The following THYN1 variants were observed in gnomAD, a reference collection of about 807,000 sequenced individuals.
THYN1 encodes thymocyte nuclear protein 1.
Under a neutral mutation model 30.6 loss-of-function variants are expected in THYN1, and 32 were observed. The observed-to-expected ratio is 1.05, with a 90% confidence interval of 0.79 to 1.40. The LOEUF is 1.40. Among genes scored for constraint, THYN1 ranks in the 40% most tolerant of loss-of-function variants. The probability of loss-of-function intolerance (pLI) is 0.00; values close to 1 mark genes in which losing one functional copy is unlikely to be tolerated. For missense variants in THYN1, 259 were observed against 272.6 expected, an observed-to-expected ratio of 0.95 and a Z score of 0.35; for synonymous variants, 107 against 90.8, an observed-to-expected ratio of 1.18 and a Z score of -1.01.
intron 2 of THYN1, 108 bp downstream of exon 2, chr11:134,251,022 C>A: frequency 3.2e-6 from 4 of 1,234,002 alleles, no homozygotes; most frequent in Non-Finnish European, 1.1e-6. Flanking sequence ...TTACCTTTTT[C>A]CTTCCCTTCA....
intron 2 of THYN1, among the ~76,000 whole-genome samples, 191 bp downstream of exon 2, chr11:134,250,939 G>A (rs1210807865): frequency 6.6e-6 from 1 of 152,216 alleles, no homozygotes; most frequent in Admixed American, 6.5e-5. Flanking sequence ...GCAAAGGTTA[G>A]CCAACCCCTG....
Position 134,252,886 on chromosome 11 carries a change from C to G in THYN1, c.-4G>C. The G allele has an allele frequency of 6.2e-7, 1 of 1,600,754 alleles. No individual in the cohort carries two copies. Among genetic ancestry groups the G allele is most frequent in the African/African-American group, 1.4e-5 (1 of 73,844 alleles). ...GCCTCTTCCGGGGTCTCGACATGGT[C>G]ACGCTGCAGGGGACTTTAGTGCGGA... is the stretch of plus-strand genomic sequence containing the variant. On this transcript the variant is annotated 5_prime_UTR_variant, in exon 1 of 7. Transcript: ENST00000341541.
At chr11:134,250,934 G>A (rs1486378040) in intron 2 of THYN1, among the ~76,000 whole-genome samples, 196 bp downstream of exon 2, 3 of 152,208 alleles carry the variant, frequency 2.0e-5, no homozygotes, top group African/African-American at 7.2e-5. Flanking sequence ...TTGTGGCAAA[G>A]GTTAGCCAAC....
chr11:134,248,985 GA>G (rs939087045), intron 5 of THYN1, 26 bp from the exon 6 acceptor site: 2 of 1,613,538 alleles, frequency 1.2e-6, no homozygotes, highest in African/African-American at 2.7e-5. Flanking sequence ...GTACATGACA[GA>G]AAGACGTGTC....
intron 1 of THYN1, among the ~76,000 whole-genome samples, 180 bp downstream of exon 1, chr11:134,252,660 A>C (rs929062442): frequency 6.6e-6 from 1 of 152,242 alleles, no homozygotes; most frequent in Non-Finnish European, 1.5e-5. Flanking sequence ...AACAAGAAAA[A>C]GGAACTGTAG....
In THYN1 at chr11:134,252,931, G is replaced by A. The variant is rs1044696982; in HGVS notation, c.-49C>T. On this transcript the variant is annotated 5_prime_UTR_variant, in exon 1 of 7. Coordinates refer to ENST00000341541, the MANE Select transcript of THYN1 (RefSeq NM_014174.3). ...TGCGGACGATTCTGGAATCAACGGAGATACAAGAAAGAATGCTAATGTCCT... is the reference window on the plus strand; with the variant it reads ...TGCGGACGATTCTGGAATCAACGGAAATACAAGAAAGAATGCTAATGTCCT... The A allele has an allele frequency of 1.3e-6, 2 of 1,533,792 alleles. No homozygotes were observed. The highest frequency in any genetic ancestry group is 2.3e-5 in the Admixed American group (1 of 43,904).
intron 2 of THYN1, 104 bp downstream of exon 2, chr11:134,251,026 C>A: frequency 8.0e-7 from 1 of 1,254,372 alleles, no homozygotes; most frequent in Non-Finnish European, 1.1e-6. Flanking sequence ...CTTTTTCCTT[C>A]CCTTCAAAGA....
rs757141767 is a variant in THYN1 at position 134,251,156 on chromosome 11, G to A, written c.196C>T (p.Arg66Cys). The A allele has an allele frequency of 2.0e-5, 32 of 1,613,610 alleles. No individual in the cohort carries two copies. The highest frequency in any genetic ancestry group is 5.0e-5 in the Admixed American group (3 of 59,872). Reference sequence around the variant, plus strand: ...TTCACATCTACACCTTTCTCTAGGCGGCTCTCTGGCTCTGACTTCATCAGC... The same window carrying A: ...TTCACATCTACACCTTTCTCTAGGCAGCTCTCTGGCTCTGACTTCATCAGC... ...HWLMKSEPES[R>C]LEKGVDVKFS... is the part of the protein sequence containing the mutation. Residue 66 changes from arginine to cysteine, a missense_variant, in exon 2 of 7, where the codon CGC (arginine) becomes TGC (cysteine). Coordinates refer to ENST00000341541, the MANE Select transcript of THYN1 (RefSeq NM_014174.3).
At chr11:134,250,504 G>C (rs528221177) in intron 2 of THYN1, among the ~76,000 whole-genome samples, 161 bp from the exon 3 acceptor site, 1 of 152,160 alleles carries the variant, frequency 6.6e-6, no homozygotes, top group African/African-American at 2.4e-5. Flanking sequence ...ACTTTTGCTG[G>C]GTGAATGTAA....
intron 4 of THYN1, 102 bp from the exon 5 acceptor site, chr11:134,249,364 A>G: frequency 4.2e-6 from 5 of 1,176,620 alleles, no homozygotes; most frequent in Non-Finnish European, 5.1e-6. Flanking sequence ...CACATTCTTA[A>G]CCCATCTGCC....
Position 134,249,914 on chromosome 11 carries a change from T to G in THYN1, c.298A>C (p.Asn100His), listed in dbSNP as rs1459483492. Reference protein sequence around the residue: ...WDGVRNYQARNFLRAMKLGEE... With the variant: ...WDGVRNYQARHFLRAMKLGEE... The stretch of plus-strand genomic sequence containing the variant: ...CCCAGCTTCATGGCTCTAAGGAAGT[T>G]CCGAGCCTGTCCCGGGAGAAGAAAG... Residue 100 changes from asparagine to histidine, a missense_variant, in exon 4 of 7, where the codon AAC becomes CAC. Coordinates refer to ENST00000341541, the MANE Select transcript of THYN1 (RefSeq NM_014174.3). The G allele has an allele frequency of 2.5e-6, 4 of 1,613,264 alleles. No homozygotes were observed. Among genetic ancestry groups the G allele is most frequent in the Non-Finnish European group, 3.4e-6 (4 of 1,179,632 alleles).
At chr11:134,251,355 A>C (rs766724956) in intron 1 of THYN1, 47 bp from the exon 2 acceptor site, 21 of 1,558,224 alleles carry the variant, frequency 1.3e-5, no homozygotes, top group Admixed American at 2.0e-5. Flanking sequence ...GTTAAAGGCA[A>C]TGTTTCATAA....
At chr11:134,249,397 T>G in intron 4 of THYN1, 135 bp from the exon 5 acceptor site, 1 of 781,314 alleles carries the variant, frequency 1.3e-6, no homozygotes. Flanking sequence ...CAATGGGGGC[T>G]CAGATATTTG....
At position 134,252,969 on chromosome 11, in the gene THYN1, C is replaced by T. The variant is rs921260829; in HGVS notation, c.-87G>A. 9 of 1,493,542 alleles carry T rather than the reference C, an allele frequency of 6.0e-6. No individual in the cohort carries two copies. The African/African-American group carries it at 1.0e-4, about 17-fold the overall frequency. 92.5% of individuals were successfully genotyped at this position (1,493,542 alleles called of 1,614,324 possible). Reference sequence around the variant, plus strand: ...ATGCTAATGTCCTCCAAAACCCGCGCAGAGCGAGATGGAGGCAACGAGAGG... The same window carrying T: ...ATGCTAATGTCCTCCAAAACCCGCGTAGAGCGAGATGGAGGCAACGAGAGG... On this transcript the variant is annotated 5_prime_UTR_variant, in exon 1 of 7. Coordinates refer to ENST00000341541, the MANE Select transcript of THYN1 (RefSeq NM_014174.3).
Position 134,249,877 on chromosome 11 carries a change from A to G in THYN1, c.335T>C (p.Phe112Ser), listed in dbSNP as rs147191530. Residue 112 changes from phenylalanine to serine, a missense_variant, in exon 4 of 7, where the codon TTC becomes TCC. Coordinates refer to ENST00000341541, the MANE Select transcript of THYN1 (RefSeq NM_014174.3). ...CTCTTTGCAGTTGCTATGGTAGAAG[A>G]AGGCTTCTTCTCCCAGCTTCATGGC... is the stretch of plus-strand genomic sequence containing the variant. ...LRAMKLGEEAFFYHSNCKEPG... is the reference protein window; with the variant it reads ...LRAMKLGEEASFYHSNCKEPG... 7.6e-5 allele frequency: 122 copies of G among 1,614,020 alleles called. No homozygotes were observed. The highest frequency in any genetic ancestry group is 2.2e-4 in the South Asian group (20 of 91,080).
intron 6 of THYN1, 140 bp downstream of exon 6, chr11:134,248,669 T>A: frequency 1.5e-6 from 2 of 1,368,500 alleles, no homozygotes; most frequent in Non-Finnish European, 2.0e-6. Context: ...TCTGGCCACA[T>A]TCCCTCCCTC....
rs886774163 is a variant in THYN1 at position 134,248,585 on chromosome 11, C to T, written c.632-101G>A. The T allele has an allele frequency of 6.8e-6, 10 of 1,468,346 alleles. No homozygotes were observed. The East Asian group carries it at 1.8e-4, about 27-fold the overall frequency. The allele number at this position is 1,468,346 out of a possible 1,614,324, so 91.0% of individuals were successfully genotyped here. ...AGGTACATCTTACATGGTACTAAGG[C>T]GAGCAGTCATTCGTTCAAAACTATT... is the stretch of plus-strand genomic sequence containing the variant. On this transcript the variant is annotated intron_variant, in intron 6 of 6. Transcript: ENST00000341541.
chr11:134,252,638 A>T (rs1183410659), intron 1 of THYN1, among the ~76,000 whole-genome samples: 1 of 152,214 alleles, frequency 6.6e-6, no homozygotes, highest in East Asian at 1.9e-4. Flanking sequence ...CACAACAACC[A>T]TTGCCTGAAT....
rs576376712 is a variant in THYN1, at chr11:134,249,921, C to T, written c.292-1G>A. On this transcript the variant is annotated splice_acceptor_variant, in intron 3 of 6. Coordinates refer to ENST00000341541, the MANE Select transcript of THYN1 (RefSeq NM_014174.3). LOFTEE classifies it high-confidence loss of function. ...TCATGGCTCTAAGGAAGTTCCGAGC[C>T]TGTCCCGGGAGAAGAAAGAGTAACT... 1 of 1,612,810 alleles carries T rather than the reference C, an allele frequency of 6.2e-7. No homozygotes were observed. The highest frequency in any genetic ancestry group is 1.3e-5 in the African/African-American group (1 of 74,974).
Sources: allele counts gnomAD v4.1 joint callset (sites outside exome capture counted in the v4.1 genomes callset), GRCh38; gene constraint gnomAD v4.1.1; transcripts MANE v1.5; gene names NCBI Gene and HGNC (gene_info 2026-07-23, HGNC 2026-07-21).